The following CTPS1 variants were observed in gnomAD, a reference collection of about 807,000 sequenced individuals.
The protein encoded by CTPS1 is CTP synthetase 1.
In CTPS1, 25 loss-of-function variants were observed where a neutral mutation model predicts 80.5. The observed-to-expected ratio is 0.31, with a 90% CI of 0.23 to 0.43. CTPS1 has a LOEUF of 0.43. Ranked by LOEUF, CTPS1 falls within the 20% of genes least tolerant of loss-of-function variation. The pLI is 1.00. For synonymous variants in CTPS1, 267 were observed against 252.5 expected, an observed-to-expected ratio of 1.06 and a Z score of -0.54; for missense variants, 442 against 725.7, an observed-to-expected ratio of 0.61 and a Z score of 4.49.
At chr1:41,006,619 G>A (rs186843078) in intron 13 of CTPS1, among the ~76,000 whole-genome samples, 1 of 152,274 alleles carries the variant, frequency 6.6e-6, no homozygotes, top group African/African-American at 2.4e-5. Context: ...TTCTCAGCCC[G>A]CTGTACTGTT....
At chr1:41,008,591 G>A (rs150268434) in intron 14 of CTPS1, 68 bp from the exon 15 acceptor site, 1 of 1,509,700 alleles carries the variant, frequency 6.6e-7, no homozygotes, top group East Asian at 2.3e-5. Flanking sequence ...GCAGGAAGGA[G>A]GATGTCTTTG....
In CTPS1 at chr1:41,001,017, A is replaced by C. The variant is rs769978326; in HGVS notation, c.1006-12A>C. 1.9e-6 allele frequency: 3 copies of C among 1,594,624 alleles called. No homozygotes were observed. Among genetic ancestry groups the C allele is most frequent in the South Asian group, 2.3e-5 (2 of 87,854 alleles). On this transcript the variant is annotated splice_polypyrimidine_tract_variant and intron_variant, in intron 9 of 18. Transcript: ENST00000650070. ...CGAGCCTGCTTTTCTCCCCTGTCTG[A>C]ATAACATCCAGTACATAGATTCTGC... is the stretch of plus-strand genomic sequence containing the variant.
intron 6 of CTPS1, 83 bp downstream of exon 6, chr1:40,991,331 C>A: frequency 9.2e-7 from 1 of 1,088,716 alleles, no homozygotes; most frequent in Non-Finnish European, 1.3e-6. Flanking sequence ...AGACCTTTGT[C>A]TTGTTGGGTT....
At chr1:40,983,525 C>A in intron 2 of CTPS1, 69 bp downstream of exon 2, 2 of 1,316,802 alleles carry the variant, frequency 1.5e-6, no homozygotes, top group Non-Finnish European at 2.1e-6. Context: ...GAATTATGTG[C>A]ACGGTTTGCA....
chr1:40,998,494 A>G (rs1185776966), intron 9 of CTPS1, among the ~76,000 whole-genome samples: 1 of 151,646 alleles, frequency 6.6e-6, no homozygotes, highest in Middle Eastern at 3.2e-3. Context: ...AGACCTAGAC[A>G]ACTTACTTAA....
At position 41,007,388 on chromosome 1, in the gene CTPS1, A is replaced by T; in HGVS notation, c.1297-61A>T. The stretch of plus-strand genomic sequence containing the variant: ...GCCTTTGCCACCCACTCAGCGAGGG[A>T]GGTTTCTCTCTAGCGGAAGCAGAGT... On this transcript the variant is annotated intron_variant, in intron 13 of 18. Transcript: ENST00000650070. The surrounding 1 kb of genome is among the most constrained non-coding windows in gnomAD (Gnocchi z 4.4). 1 of 1,419,742 alleles carries T rather than the reference A, an allele frequency of 7.0e-7. No homozygotes were observed. The highest frequency in any genetic ancestry group is 9.9e-7 in the Non-Finnish European group (1 of 1,006,184). 87.9% of individuals were successfully genotyped at this position (1,419,742 alleles called of 1,614,324 possible).
In CTPS1 at chr1:41,001,103, G is replaced by C; in HGVS notation, c.1080G>C (p.Lys360Asn). ...EPVRYHEAWQ[K>N]LCSAHGVLVP... The stretch of plus-strand genomic sequence containing the variant: ...TGCGCTACCACGAAGCTTGGCAGAA[G>C]CTCTGTAGTGCTCAGTGAGTAGAGT... The change falls in exon 10 of 19, where the codon AAG becomes AAC. Residue 360 changes from lysine (K) to asparagine (N), a missense_variant. By Grantham distance (94) the Lys-to-Asn change is moderately conservative. This residue lies in a region of CTPS1 where 321 missense variants were observed against 467.2 expected (regional missense o/e 0.69). Coordinates refer to ENST00000650070, the MANE Select transcript of CTPS1 (RefSeq NM_001905.4). The C allele has an allele frequency of 6.2e-7, 1 of 1,608,782 alleles. No homozygotes were observed.
At chr1:41,010,108 C>T (rs1643132193) in intron 17 of CTPS1, 53 bp from the exon 18 acceptor site, 11 of 1,322,898 alleles carry the variant, frequency 8.3e-6, no homozygotes, top group South Asian at 4.8e-5. Context: ...AAAACAGGGA[C>T]GTAAAGTGAG....
chr1:41,006,043 T>C lies in CTPS1; in HGVS notation c.1253-8T>C. ...ACTATTTTCATAACAAGTATTTTGG[T>C]ATTTCAGATGCCAATTCTACAGAGT... On this transcript the variant is annotated splice_region_variant and splice_polypyrimidine_tract_variant and intron_variant, in intron 12 of 18. Transcript: ENST00000650070. The C allele has an allele frequency of 6.2e-7, 1 of 1,610,150 alleles. No homozygotes were observed. Among genetic ancestry groups the C allele is most frequent in the South Asian group, 1.1e-5 (1 of 90,994 alleles).
At chr1:41,002,132 T>C (rs1453486704) in intron 10 of CTPS1, 28 bp from the exon 11 acceptor site, 1 of 1,605,692 alleles carries the variant, frequency 6.2e-7, no homozygotes, top group Middle Eastern at 1.7e-4. Context: ...AAAGGGGAAT[T>C]GCCTTTGTGG....
chr1:40,997,037 T>G, intron 8 of CTPS1: 2 of 165,980 alleles, frequency 1.2e-5, no homozygotes, highest in Non-Finnish European at 2.6e-5. Context: ...AAGCCTGCCA[T>G]GTTGATCTGA....
rs573777568 is a variant in CTPS1, at chr1:41,007,518, C to T, written c.1366C>T (p.Leu456=). Residue 456 remains leucine (L), a synonymous_variant, in exon 14 of 19, where the codon CTG becomes TTG. Coordinates refer to ENST00000650070, the MANE Select transcript of CTPS1 (RefSeq NM_001905.4). The surrounding 1 kb of genome is among the most constrained non-coding windows in gnomAD (Gnocchi z 4.4). The stretch of plus-strand genomic sequence containing the variant: ...CATGAGGCTGGGCAAGAGGAGAACC[C>T]TGTTCCAGACCAAGAACTCAGTCAT... ...GTMRLGKRRT[L]FQTKNSVMRK... is the part of the protein sequence containing the mutation. The T allele has an allele frequency of 3.1e-6, 5 of 1,614,152 alleles. No individual in the cohort carries two copies. The highest frequency in any genetic ancestry group is 3.4e-6 in the Non-Finnish European group (4 of 1,180,040).
intron 2 of CTPS1, 110 bp from the exon 3 acceptor site, chr1:40,984,711 C>T: frequency 1.2e-6 from 1 of 817,862 alleles, no homozygotes. Context: ...TCTGTGCTTC[C>T]TATTACGTAA....
intron 12 of CTPS1, among the ~76,000 whole-genome samples, chr1:41,003,579 A>G (rs1642960556): frequency 6.6e-6 from 1 of 152,174 alleles, no homozygotes; most frequent in African/African-American, 2.4e-5. Flanking sequence ...GGGTGATTTT[A>G]AGCAATTTAC....
chr1:40,982,025 T>C (rs964135490), intron 1 of CTPS1: 5 of 1,288,312 alleles, frequency 3.9e-6, no homozygotes, highest in Non-Finnish European at 4.0e-6. Context: ...TCTAATTGTG[T>C]TTTTCATTTT....
At position 41,005,602 on chromosome 1, in the gene CTPS1, TTA is replaced by T. The variant is rs577652870; in HGVS notation, c.1253-447_1253-446del. 5.3e-5 allele frequency among the ~76,000 whole-genome samples: 8 copies of T among 152,320 alleles called. No homozygotes were observed. In the South Asian group the frequency reaches 1.7e-3, roughly 32 times the overall value. ...TTCACGTGTGTGTGGGTTGAGTATT[TTA>T]TGTCTTAAAAATGCTATTTATTGCC... is the stretch of plus-strand genomic sequence containing the variant. On this transcript the variant is annotated intron_variant, in intron 12 of 18. Transcript: ENST00000650070.
chr1:40,995,081 T>G (rs547248966), intron 7 of CTPS1, among the ~76,000 whole-genome samples: 1 of 152,350 alleles, frequency 6.6e-6, no homozygotes, highest in East Asian at 1.9e-4. Flanking sequence ...GGGTGCAGCA[T>G]GGGCTTTTGA....
At position 40,991,755 on chromosome 1, in the gene CTPS1, C is replaced by A; in HGVS notation, c.640-10C>A. The A allele has an allele frequency of 6.2e-7, 1 of 1,606,948 alleles. No individual in the cohort carries two copies. Among genetic ancestry groups the A allele is most frequent in the Non-Finnish European group, 8.5e-7 (1 of 1,173,466 alleles). On this transcript the variant is annotated splice_polypyrimidine_tract_variant and intron_variant, in intron 6 of 18. Coordinates refer to ENST00000650070, the MANE Select transcript of CTPS1 (RefSeq NM_001905.4). ...CCTTCTGTCTAAGCCATCTTGTTCT[C>A]TACTGCTAGGTTGTATGCAGGTGCT...
rs756071517 is a variant in CTPS1, at chr1:40,997,535, G to A, written c.1005+9G>A. ...ACAAATTGGAAATCAAGGTAAGGAG[G>A]GTGGCACAGGTACAGCCAAAGGATG... On this transcript the variant is annotated intron_variant, in intron 9 of 18. Transcript: ENST00000650070. 2 of 1,613,284 alleles carry A rather than the reference G, an allele frequency of 1.2e-6. No individual in the cohort carries two copies. Among genetic ancestry groups the A allele is most frequent in the Non-Finnish European group, 1.7e-6 (2 of 1,179,596 alleles).
Sources: gnomAD v4.1 joint callset for allele counts (sites outside exome capture counted in the v4.1 genomes callset) on GRCh38, gnomAD v4.1.1 for gene constraint, gnomAD v4.1.1 regional missense constraint, Gnocchi (gnomAD v3.1) non-coding constraint, MANE v1.5 for transcripts, NCBI Gene and HGNC (gene_info 2026-07-23, HGNC 2026-07-21) for gene names.